Variants in ZCWPW2 observed in about 807,000 individuals in gnomAD.
The protein encoded by ZCWPW2 is zinc finger CW-type and PWWP domain containing 2.
In ZCWPW2, 45 loss-of-function variants were observed where a neutral mutation model predicts 46.6. The ratio of observed to expected loss-of-function variants is 0.96; its 90% CI spans 0.76 to 1.24. The LOEUF (loss-of-function observed/expected upper bound fraction) is 1.24, where lower values mean the gene tolerates loss of function less well. Among genes scored for constraint, ZCWPW2 ranks in the 50% most tolerant of loss-of-function variants. The probability of loss-of-function intolerance (pLI) is 0.00; values close to 1 mark genes in which losing one functional copy is unlikely to be tolerated. For missense variants in ZCWPW2, 429 were observed against 403.9 expected, an observed-to-expected ratio of 1.06 and a Z score of -0.53; for synonymous variants, 152 against 137.1, an observed-to-expected ratio of 1.11 and a Z score of -0.76.
At chr3:28,394,769 T>TA (rs898018356) in intron 2 of ZCWPW2, among the ~76,000 whole-genome samples, 1 of 152,026 alleles carries the variant, frequency 6.6e-6, no homozygotes, top group African/African-American at 2.4e-5. Context: ...CAAAATATAT[T>TA]AAAAAATGAG....
intron 3 of ZCWPW2, among the ~76,000 whole-genome samples, chr3:28,424,413 A>C (rs1046464714): frequency 7.2e-5 from 11 of 152,146 alleles, no homozygotes; most frequent in South Asian, 4.1e-4. Flanking sequence ...ATGATTCTTA[A>C]AGAGGTAATT....
chr3:28,408,179 A>C (rs1190866616), intron 2 of ZCWPW2, among the ~76,000 whole-genome samples: 3 of 152,196 alleles, frequency 2.0e-5, no homozygotes, highest in Non-Finnish European at 4.4e-5. Context: ...GTTATCCACT[A>C]TGAGACCCAA....
chr3:28,514,125 A>G lies in ZCWPW2; in HGVS notation c.716+3A>G. 1.4e-6 allele frequency: 2 copies of G among 1,465,190 alleles called. No homozygotes were observed. The highest frequency in any genetic ancestry group is 1.2e-5 in the South Asian group (1 of 82,350). 90.8% of individuals were successfully genotyped at this position (1,465,190 alleles called of 1,614,324 possible). A position where few individuals can be genotyped will look rare whatever the true frequency, so the allele number is the denominator to read the frequency against. Reference sequence around the variant, plus strand: ...CCCAAATTTAGAAAAAGGAAAAGGTATGCTTTTTGAAATTAAATAGTATTA... The same window carrying G: ...CCCAAATTTAGAAAAAGGAAAAGGTGTGCTTTTTGAAATTAAATAGTATTA... On this transcript the variant is annotated splice_donor_region_variant and intron_variant, in intron 7 of 9. Coordinates refer to ENST00000383768, the MANE Select transcript of ZCWPW2 (RefSeq NM_001040432.4).
At chr3:28,367,201 TG>T (rs1321731388) in intron 1 of ZCWPW2, among the ~76,000 whole-genome samples, 1 of 152,180 alleles carries the variant, frequency 6.6e-6, no homozygotes, top group African/African-American at 2.4e-5. Context: ...TGAATGTGTT[TG>T]CTCTTGCTTC....
At chr3:28,406,380 AG>A (rs1271047572) in intron 2 of ZCWPW2, among the ~76,000 whole-genome samples, 1 of 152,196 alleles carries the variant, frequency 6.6e-6, no homozygotes, top group Non-Finnish European at 1.5e-5. Flanking sequence ...AAATCATCAG[AG>A]TTCTTGAAAT....
In ZCWPW2 at chr3:28,526,080, T is replaced by C. The variant is rs1462978180; in HGVS notation, c.*1392T>C. Among the ~76,000 whole-genome samples, 1 of 152,154 alleles carries C rather than the reference T, an allele frequency of 6.6e-6. No homozygotes were observed. Among genetic ancestry groups the C allele is most frequent in the Non-Finnish European group, 1.5e-5 (1 of 68,022 alleles). The stretch of plus-strand genomic sequence containing the variant: ...GGAATGATAATCTAGTTTCCTCATA[T>C]GTAAAATGGGGATGGAACTATGCAA... On this transcript the variant is annotated 3_prime_UTR_variant, in exon 10 of 10. Transcript: ENST00000383768.
At chr3:28,458,042 C>T (rs1463092051) in intron 4 of ZCWPW2, among the ~76,000 whole-genome samples, 2 of 152,096 alleles carry the variant, frequency 1.3e-5, no homozygotes, top group African/African-American at 4.8e-5. Context: ...TTTTCAACAC[C>T]ACTTATTTTT....
intron 6 of ZCWPW2, among the ~76,000 whole-genome samples, chr3:28,496,226 A>G (rs1272759661): frequency 6.6e-6 from 1 of 152,088 alleles, no homozygotes; most frequent in Admixed American, 6.6e-5. Context: ...GATATGTAAC[A>G]GGAAATTTGA....
In ZCWPW2 at chr3:28,524,647, A is replaced by C; in HGVS notation, c.1030A>C (p.Asn344His). 1 of 1,579,716 alleles carries C rather than the reference A, an allele frequency of 6.3e-7. No individual in the cohort carries two copies. ...KAGECIEDIT[N>H]KFKEIDALMS... ...TGGAGAATGTATTGAGGATATAACT[A>C]ATAAATTTAAAGAAATAGATGCTTT... Residue 344 changes from asparagine (N) to histidine (H), a missense_variant, in exon 10 of 10, where the codon AAT (asparagine) becomes CAT (histidine). Coordinates refer to ENST00000383768, the MANE Select transcript of ZCWPW2 (RefSeq NM_001040432.4).
At chr3:28,388,938 C>A (rs1695381611) in intron 1 of ZCWPW2, among the ~76,000 whole-genome samples, 1 of 152,174 alleles carries the variant, frequency 6.6e-6, no homozygotes, top group African/African-American at 2.4e-5. Context: ...CATACTGTTT[C>A]TCTTCCATTG....
intron 6 of ZCWPW2, among the ~76,000 whole-genome samples, chr3:28,509,002 A>G (rs1045290617): frequency 1.3e-5 from 2 of 152,170 alleles, no homozygotes; most frequent in Admixed American, 6.6e-5. Flanking sequence ...AGGAAACTTT[A>G]TATCCATTAG....
At chr3:28,501,894 G>A (rs1700151998) in intron 6 of ZCWPW2, among the ~76,000 whole-genome samples, 1 of 152,012 alleles carries the variant, frequency 6.6e-6, no homozygotes, top group Admixed American at 6.6e-5. Flanking sequence ...GACCACAAGT[G>A]TGCACCACCA....
chr3:28,456,391 G>C (rs961520002), intron 4 of ZCWPW2, among the ~76,000 whole-genome samples: 1 of 152,108 alleles, frequency 6.6e-6, no homozygotes, highest in Admixed American at 6.5e-5. Context: ...AGATGATGGG[G>C]TTTTCTAGAT....
chr3:28,420,820 T>C (rs888955097), intron 3 of ZCWPW2, among the ~76,000 whole-genome samples: 2 of 152,084 alleles, frequency 1.3e-5, no homozygotes, highest in Non-Finnish European at 2.9e-5. Flanking sequence ...GAGGGAGTAA[T>C]AACTTTTTTT....
rs1401059805 is a variant in ZCWPW2 at position 28,498,520 on chromosome 3, TA to T, written c.657+6349del. Among the ~76,000 whole-genome samples the T allele has an allele frequency of 7.2e-5, 11 of 152,176 alleles. 1 individual carries two copies. The highest frequency in any genetic ancestry group is 2.0e-4 in the Admixed American group (3 of 15,240). On this transcript the variant is annotated intron_variant, in intron 6 of 9. Coordinates refer to ENST00000383768, the MANE Select transcript of ZCWPW2 (RefSeq NM_001040432.4). ...TAGTTACTATATTATAATAGGTGGT[TA>T]ATAAATGCTAGTACTTTTCTTCCAA...
intron 2 of ZCWPW2, among the ~76,000 whole-genome samples, chr3:28,395,065 A>T (rs191625558): frequency 6.6e-6 from 1 of 152,258 alleles, no homozygotes; most frequent in Non-Finnish European, 1.5e-5. Context: ...GTAGCAAAAT[A>T]TCAGATAATT....
chr3:28,397,163 C>T (rs1695734776), intron 2 of ZCWPW2, among the ~76,000 whole-genome samples: 1 of 151,744 alleles, frequency 6.6e-6, no homozygotes, highest in African/African-American at 2.4e-5. Context: ...TTCAAAACTC[C>T]TTGCATGTGT....
In ZCWPW2 at chr3:28,388,526, C is replaced by T. The variant is rs150515327; in HGVS notation, c.-133-1972C>T. On this transcript the variant is annotated intron_variant, in intron 1 of 9. Transcript: ENST00000383768. ...CCCTTTTCCTAGATATCCTGTAACA[C>T]AAATACTTTGATGTAAAGTTAATAG... is the stretch of plus-strand genomic sequence containing the variant. Among the ~76,000 whole-genome samples, 387 of 152,282 alleles carry T rather than the reference C, an allele frequency of 2.5e-3. 1 individual carries two copies. Among genetic ancestry groups the T allele is most frequent in the African/African-American group, 8.4e-3 (351 of 41,558 alleles).
chr3:28,388,783 A>T (rs1055740004), intron 1 of ZCWPW2, among the ~76,000 whole-genome samples: 1 of 152,134 alleles, frequency 6.6e-6, no homozygotes. Context: ...CCAGCATCTC[A>T]GCTGATAACC....
Sources: allele counts gnomAD v4.1 joint callset (sites outside exome capture counted in the v4.1 genomes callset), GRCh38; gene constraint gnomAD v4.1.1; transcripts MANE v1.5; gene names NCBI Gene and HGNC (gene_info 2026-07-23, HGNC 2026-07-21).